Variants in HMBOX1 observed in about 807,000 individuals in gnomAD.
HMBOX1 encodes the protein homeobox-containing protein 1.
A neutral mutation model predicts 54.5 loss-of-function variants in HMBOX1; 14 were observed. The observed-to-expected ratio is 0.26, with a 90% CI of 0.17 to 0.40. The LOEUF is 0.40. Among genes scored for constraint, HMBOX1 ranks in the 10% least tolerant of loss-of-function variants. HMBOX1 has a pLI of 1.00. For missense variants in HMBOX1, 332 were observed against 514.4 expected (o/e 0.65, Z 3.43); for synonymous variants, 160 against 181.0 (o/e 0.88, Z 0.93).
chr8:28,986,001 G>A (rs550628346), intron 4 of HMBOX1, among the ~76,000 whole-genome samples: 1 of 152,294 alleles, frequency 6.6e-6, no homozygotes, highest in East Asian at 1.9e-4. Flanking sequence ...CTGGACAAAT[G>A]TTTAATGACA....
In HMBOX1 at chr8:29,016,721, C is replaced by G. The variant is rs181769099; in HGVS notation, c.698-2039C>G. 4.6e-3 allele frequency among the ~76,000 whole-genome samples: 708 copies of G among 152,342 alleles called. 5 individuals are homozygous for G. The highest frequency in any genetic ancestry group is 0.016 in the African/African-American group (660 of 41,574). On this transcript the variant is annotated intron_variant, in intron 5 of 9. Transcript: ENST00000287701. ...GTGGACAGGTCCCAGGTCCTCACTG[C>G]CTGTTGGTCAGAGACATCAGTTCCT...
At chr8:28,984,072 G>T (rs184430468) in intron 4 of HMBOX1, among the ~76,000 whole-genome samples, 47 of 152,256 alleles carry the variant, frequency 3.1e-4, no homozygotes, top group African/African-American at 1.1e-3. Flanking sequence ...CCTCGTAATT[G>T]GTCTAACTTA....
intron 4 of HMBOX1, among the ~76,000 whole-genome samples, chr8:29,005,788 ATCT>A (rs1833366375): frequency 6.6e-6 from 1 of 152,118 alleles, no homozygotes; most frequent in South Asian, 2.1e-4. Flanking sequence ...GATTAGTCGT[ATCT>A]GTTTTATAAC....
intron 4 of HMBOX1, among the ~76,000 whole-genome samples, chr8:28,993,337 T>C (rs1831279683): frequency 6.6e-6 from 1 of 152,150 alleles, no homozygotes; most frequent in South Asian, 2.1e-4. Flanking sequence ...TTTTTAAAGT[T>C]TTGACTGTGT....
intron 1 of HMBOX1, among the ~76,000 whole-genome samples, chr8:28,953,314 G>A (rs1267211060): frequency 6.6e-6 from 1 of 152,160 alleles, no homozygotes; most frequent in Non-Finnish European, 1.5e-5. Flanking sequence ...ACAGCTAACT[G>A]TAGTAAGGCC....
chr8:29,050,965 A>T, intron 9 of HMBOX1, 53 bp from the exon 10 acceptor site: 2 of 1,576,258 alleles, frequency 1.3e-6, no homozygotes, highest in South Asian at 2.3e-5. Context: ...TCTCTCTGTG[A>T]CTAAAGAATT....
chr8:29,030,984 A>T (rs1408582305), intron 6 of HMBOX1, among the ~76,000 whole-genome samples: 1 of 152,234 alleles, frequency 6.6e-6, no homozygotes, highest in Middle Eastern at 3.2e-3. Context: ...CAGTCTAGGT[A>T]GTTAGAATTG....
intron 1 of HMBOX1, chr8:28,956,023 T>G (rs1449108659): frequency 5.9e-5 from 9 of 152,032 alleles, no homozygotes; most frequent in Admixed American, 5.9e-4. Context: ...TGGTTACTTT[T>G]ATTTCTGTAG....
intron 6 of HMBOX1, among the ~76,000 whole-genome samples, chr8:29,025,765 T>C (rs1039651007): frequency 3.3e-5 from 5 of 152,172 alleles, no homozygotes; most frequent in African/African-American, 1.2e-4. Context: ...TGCAGCGAAA[T>C]GTGGCTGGAG....
At chr8:28,986,145 A>G (rs1209535657) in intron 4 of HMBOX1, among the ~76,000 whole-genome samples, 1 of 152,064 alleles carries the variant, frequency 6.6e-6, no homozygotes, top group African/African-American at 2.4e-5. Flanking sequence ...CCTTTCCAGA[A>G]TGTCATATAG....
intron 5 of HMBOX1, among the ~76,000 whole-genome samples, chr8:29,013,518 A>G (rs1834503226): frequency 6.6e-6 from 1 of 152,194 alleles, no homozygotes; most frequent in Admixed American, 6.5e-5. Context: ...AAGTGGACTC[A>G]TCAAGAAAAA....
At chr8:29,050,591 A>C (rs1806301447) in intron 9 of HMBOX1, 1 of 159,122 alleles carries the variant, frequency 6.3e-6, no homozygotes, top group African/African-American at 2.4e-5. Flanking sequence ...TCAGAGAGGG[A>C]CCATGAATTC....
At position 29,051,093 on chromosome 8, in the gene HMBOX1, A is replaced by G. The variant is rs1470092463; in HGVS notation, c.1201A>G (p.Ile401Val). The G allele has an allele frequency of 2.5e-6, 4 of 1,613,758 alleles. No individual in the cohort carries two copies. The highest frequency in any genetic ancestry group is 1.3e-5 in the African/African-American group (1 of 74,796). Residue 401 changes from isoleucine to valine, a missense_variant, in exon 10 of 10, where the codon ATC becomes GTC. By Grantham distance (29) the Ile-to-Val change is conservative. Transcript: ENST00000287701. ...GGAAATGGCAGCAGTCAACCACACT[A>G]TCTTGGCATTGGCCCGACAAGGAGC... ...AVEMAAVNHT[I>V]LALARQGANE...
intron 1 of HMBOX1, among the ~76,000 whole-genome samples, chr8:28,897,147 G>A (rs990575179): frequency 4.6e-5 from 7 of 151,852 alleles, no homozygotes; most frequent in African/African-American, 7.3e-5. Flanking sequence ...CACCATGCCC[G>A]GCTAATTTTG....
intron 1 of HMBOX1, among the ~76,000 whole-genome samples, chr8:28,945,096 T>G (rs1156760093): frequency 6.6e-6 from 1 of 152,252 alleles, no homozygotes; most frequent in Non-Finnish European, 1.5e-5. Flanking sequence ...TTTGTGTGAC[T>G]TTACCGTCCT....
chr8:28,991,771 A>G (rs773673327), intron 4 of HMBOX1, among the ~76,000 whole-genome samples: 1 of 152,156 alleles, frequency 6.6e-6, no homozygotes, highest in Non-Finnish European at 1.5e-5. Flanking sequence ...CTTCAGCTTT[A>G]TCATTAAGCT....
chr8:29,039,427 T>C (rs1804486626), intron 6 of HMBOX1, among the ~76,000 whole-genome samples: 1 of 152,202 alleles, frequency 6.6e-6, no homozygotes, highest in South Asian at 2.1e-4. Context: ...CCACCAAATG[T>C]ACTTAGAGAA....
chr8:28,915,579 A>G (rs1408884199), intron 1 of HMBOX1: 1 of 139,574 alleles, frequency 7.2e-6, no homozygotes, highest in Non-Finnish European at 1.6e-5. Context: ...AAAAAAAAAA[A>G]GAGACAGAGT....
chr8:28,930,801 CAT>C (rs1351981915), intron 1 of HMBOX1, among the ~76,000 whole-genome samples: 2 of 152,130 alleles, frequency 1.3e-5, no homozygotes, highest in African/African-American at 2.4e-5. Context: ...TCAGTTGTAA[CAT>C]ATATTTTTTA....
Sources: allele counts gnomAD v4.1 joint callset (sites outside exome capture counted in the v4.1 genomes callset), GRCh38; gene constraint gnomAD v4.1.1; transcripts MANE v1.5; gene names NCBI Gene and HGNC (gene_info 2026-07-23, HGNC 2026-07-21).